The following TMEM200A variants were observed in gnomAD, a reference collection of about 807,000 sequenced individuals.
TMEM200A encodes the protein transmembrane protein 200A.
In TMEM200A, 12 loss-of-function variants were observed where a neutral mutation model predicts 24.3. The ratio of observed to expected loss-of-function variants is 0.49; its 90% CI spans 0.32 to 0.80. The LOEUF is 0.80. TMEM200A is among the 30% of genes least tolerant of loss of function. The pLI, the probability that TMEM200A is intolerant of heterozygous loss-of-function variation, is 0.04. For synonymous variants in TMEM200A, 224 were observed against 224.4 expected (o/e 1.00, Z 0.02); for missense variants, 545 against 614.4 (o/e 0.89, Z 1.19).
intron 2 of TMEM200A, among the ~76,000 whole-genome samples, chr6:130,429,237 T>C (rs1010776453): frequency 6.6e-6 from 1 of 152,044 alleles, no homozygotes. Flanking sequence ...AGAAAAATAA[T>C]GAGGCCAGGA....
chr6:130,427,820 TTTG>T (rs1361854100), intron 2 of TMEM200A, among the ~76,000 whole-genome samples: 2 of 152,162 alleles, frequency 1.3e-5, no homozygotes, highest in Non-Finnish European at 2.9e-5. Context: ...CTTCTTTTCA[TTTG>T]TTAACAGAAC....
chr6:130,395,053 T>G (rs910484013), intron 2 of TMEM200A, among the ~76,000 whole-genome samples: 1 of 152,206 alleles, frequency 6.6e-6, no homozygotes. Flanking sequence ...TAATTTTCAC[T>G]GTATTGCAAT....
intron 1 of TMEM200A, among the ~76,000 whole-genome samples, chr6:130,371,500 C>G (rs1459850604): frequency 1.3e-5 from 2 of 152,024 alleles, no homozygotes; most frequent in Non-Finnish European, 2.9e-5. Context: ...TGTATCAGGC[C>G]AAACTGAAGG....
chr6:130,367,513 T>C (rs1404796545), intron 1 of TMEM200A, among the ~76,000 whole-genome samples: 1 of 152,248 alleles, frequency 6.6e-6, no homozygotes, highest in Non-Finnish European at 1.5e-5. Context: ...TTGTCGTTTC[T>C]TGAATTATGG....
chr6:130,438,063 G>A (rs1349333557), intron 2 of TMEM200A: 1 of 152,176 alleles, frequency 6.6e-6, no homozygotes, highest in Non-Finnish European at 1.5e-5. Flanking sequence ...GGGCTAGAGG[G>A]CTGCTATCTA....
intron 2 of TMEM200A, among the ~76,000 whole-genome samples, chr6:130,413,891 A>G (rs945403832): frequency 3.9e-5 from 6 of 152,126 alleles, no homozygotes; most frequent in African/African-American, 1.4e-4. Flanking sequence ...ATGTGCTTAG[A>G]ATATCATTAT....
chr6:130,385,777 A>T (rs1287424745), intron 2 of TMEM200A, among the ~76,000 whole-genome samples: 1 of 152,180 alleles, frequency 6.6e-6, no homozygotes, highest in Non-Finnish European at 1.5e-5. Flanking sequence ...CCATTTCATG[A>T]TGCTATGTAA....
intron 1 of TMEM200A, chr6:130,381,923 GCTTC>G: frequency 1.0e-6 from 1 of 985,412 alleles, no homozygotes; most frequent in South Asian, 4.7e-5. Flanking sequence ...CTGATCTGTG[GCTTC>G]CTCTTCCGTT....
intron 2 of TMEM200A, among the ~76,000 whole-genome samples, chr6:130,423,112 G>T (rs921658141): frequency 6.6e-6 from 1 of 152,160 alleles, no homozygotes; most frequent in East Asian, 1.9e-4. Context: ...ATACTTAATA[G>T]ATGAGGAAAA....
chr6:130,434,667 A>G (rs1015376017), intron 2 of TMEM200A, among the ~76,000 whole-genome samples: 1 of 152,158 alleles, frequency 6.6e-6, no homozygotes, highest in Non-Finnish European at 1.5e-5. Flanking sequence ...TAGGAGAGGT[A>G]AGCCTGAAGA....
At chr6:130,416,311 G>A (rs1779448798) in intron 2 of TMEM200A, among the ~76,000 whole-genome samples, 1 of 147,652 alleles carries the variant, frequency 6.8e-6, no homozygotes, top group Admixed American at 6.7e-5. Context: ...ATTATAGGAT[G>A]GATTTCTCTC....
chr6:130,425,089 G>A (rs1779698403), intron 2 of TMEM200A, among the ~76,000 whole-genome samples: 1 of 152,008 alleles, frequency 6.6e-6, no homozygotes, highest in Non-Finnish European at 1.5e-5. Flanking sequence ...AGTAATACTT[G>A]CTCATCTCCC....
At chr6:130,420,354 T>A (rs1479246430) in intron 2 of TMEM200A, among the ~76,000 whole-genome samples, 1 of 152,130 alleles carries the variant, frequency 6.6e-6, no homozygotes, top group Non-Finnish European at 1.5e-5. Context: ...ATTTGGCCAG[T>A]CCCTCTTCCA....
At chr6:130,401,913 T>C (rs1583198733) in intron 2 of TMEM200A, among the ~76,000 whole-genome samples, 2 of 152,098 alleles carry the variant, frequency 1.3e-5, no homozygotes, top group Middle Eastern at 3.4e-3. Context: ...TTTCCATTTT[T>C]CTTAAACCAT....
At chr6:130,417,983 C>T (rs537895337) in intron 2 of TMEM200A, among the ~76,000 whole-genome samples, 2 of 152,254 alleles carry the variant, frequency 1.3e-5, no homozygotes, top group South Asian at 2.1e-4. Flanking sequence ...AAATTAAAAC[C>T]CTTGGTCATG....
At chr6:130,399,416 T>C (rs1779030447) in intron 2 of TMEM200A, among the ~76,000 whole-genome samples, 1 of 152,014 alleles carries the variant, frequency 6.6e-6, no homozygotes, top group South Asian at 2.1e-4. Flanking sequence ...TTTGGACTTT[T>C]TGATTTTAGC....
intron 2 of TMEM200A, chr6:130,439,104 G>A (rs1448503469): frequency 1.3e-5 from 2 of 152,178 alleles, no homozygotes; most frequent in Admixed American, 6.5e-5. Context: ...AAGTCAATGG[G>A]TCTAGAATTT....
At chr6:130,375,351 A>G (rs1778428045) in intron 1 of TMEM200A, among the ~76,000 whole-genome samples, 1 of 152,238 alleles carries the variant, frequency 6.6e-6, no homozygotes, top group Admixed American at 6.5e-5. Context: ...TATAAGACAC[A>G]TAAAATCTCT....
At chr6:130,433,136 C>CTTTT (rs34311658) in intron 2 of TMEM200A, among the ~76,000 whole-genome samples, 4 of 138,442 alleles carry the variant, frequency 2.9e-5, no homozygotes, top group Non-Finnish European at 4.7e-5. Context: ...AAAAGATGAT[C>CTTTT]TTTTTTTTTT....
Sources: allele counts gnomAD v4.1 joint callset (sites outside exome capture counted in the v4.1 genomes callset), GRCh38; gene constraint gnomAD v4.1.1; transcripts MANE v1.5; gene names NCBI Gene and HGNC (gene_info 2026-07-23, HGNC 2026-07-21).